The following RBPJ variants were observed in gnomAD, a reference collection of about 807,000 sequenced individuals.
RBPJ encodes recombination signal binding protein for immunoglobulin kappa J region.
RBPJ carries 9 observed loss-of-function variants against 67.8 expected under a neutral mutation model. The observed-to-expected ratio is 0.13, with a 90% CI of 0.08 to 0.23. The LOEUF (loss-of-function observed/expected upper bound fraction) is 0.23. RBPJ is among the 10% of genes least tolerant of loss of function. The pLI, the probability that RBPJ is intolerant of heterozygous loss-of-function variation, is 1.00. For synonymous variants in RBPJ, 198 were observed against 203.3 expected (o/e 0.97, Z 0.22); for missense variants, 305 against 595.6 (o/e 0.51, Z 5.08).
Position 26,431,897 on chromosome 4 carries a change from G to C in RBPJ, c.*890G>C, listed in dbSNP as rs1324363689. The C allele has an allele frequency of 6.6e-6, 1 of 152,052 alleles. No individual in the cohort carries two copies. The highest frequency in any genetic ancestry group is 1.5e-5 in the Non-Finnish European group (1 of 68,020). 9.4% of individuals were successfully genotyped at this position (152,052 alleles called of 1,614,324 possible). ...GGTTCTAACATTCACATGCAATTTG[G>C]TGTGGCCATTTAGCTATTAATGAGT... On this transcript the variant is annotated 3_prime_UTR_variant, in exon 11 of 11. Transcript: ENST00000355476.
intron 1 of RBPJ, among the ~76,000 whole-genome samples, chr4:26,363,142 AT>A (rs1728248709): frequency 6.6e-6 from 1 of 152,034 alleles, no homozygotes; most frequent in East Asian, 1.9e-4. Context: ...TTTATTTTTT[AT>A]TTTTATTTCT....
At chr4:26,243,343 G>A (rs1354524079) in intron 1 of RBPJ, among the ~76,000 whole-genome samples, 2 of 152,224 alleles carry the variant, frequency 1.3e-5, no homozygotes, top group African/African-American at 4.8e-5. Flanking sequence ...AATGAAGTGA[G>A]TCTGTCACTG....
chr4:26,428,975 C>T, intron 8 of RBPJ, 115 bp downstream of exon 8: 1 of 739,626 alleles, frequency 1.4e-6, no homozygotes, highest in Non-Finnish European at 2.2e-6. Flanking sequence ...TGAAGCTATA[C>T]ACAGATATTT....
intron 1 of RBPJ, among the ~76,000 whole-genome samples, chr4:26,182,272 G>A (rs1717031840): frequency 6.6e-6 from 1 of 151,992 alleles, no homozygotes; most frequent in Admixed American, 6.5e-5. Flanking sequence ...AACCCGGGAG[G>A]CGGAGCTTGC....
At chr4:26,260,710 T>C (rs1393275458) in intron 1 of RBPJ, among the ~76,000 whole-genome samples, 1 of 152,144 alleles carries the variant, frequency 6.6e-6, no homozygotes, top group African/African-American at 2.4e-5. Context: ...AAAATGCCAC[T>C]CTCTTACTCC....
chr4:26,352,665 T>C (rs1161849226), intron 1 of RBPJ, among the ~76,000 whole-genome samples: 1 of 152,218 alleles, frequency 6.6e-6, no homozygotes, highest in Non-Finnish European at 1.5e-5. Context: ...ATCGCACCAT[T>C]GCACTTCGGC....
At chr4:26,293,145 T>G (rs1721728097) in intron 1 of RBPJ, among the ~76,000 whole-genome samples, 1 of 149,734 alleles carries the variant, frequency 6.7e-6, no homozygotes, top group Admixed American at 6.7e-5. Context: ...CCAGTTGGGG[T>G]CCTTCTACTG....
chr4:26,144,249 A>G, the RBPJ span, among the ~76,000 whole-genome samples: 2 of 148,400 alleles, frequency 1.3e-5, no homozygotes, highest in African/African-American at 4.9e-5. Context: ...AGAGAGCATA[A>G]GAGGGAGTAA....
chr4:26,114,285 C>A, the RBPJ span, among the ~76,000 whole-genome samples: 9 of 151,900 alleles, frequency 5.9e-5, no homozygotes, highest in African/African-American at 1.7e-4. Flanking sequence ...ATGGCGAAAC[C>A]CCGTTTCTAC....
intron 1 of RBPJ, among the ~76,000 whole-genome samples, chr4:26,282,464 G>A (rs1423041336): frequency 6.6e-6 from 1 of 151,600 alleles, no homozygotes; most frequent in Non-Finnish European, 1.5e-5. Flanking sequence ...TTCGAATAAA[G>A]ATCTAAGAAA....
intron 1 of RBPJ, among the ~76,000 whole-genome samples, chr4:26,358,670 C>G (rs938611828): frequency 6.6e-6 from 1 of 150,698 alleles, no homozygotes; most frequent in African/African-American, 2.4e-5. Context: ...ATAGTTCCAG[C>G]TACTCAGGAG....
chr4:26,294,421 G>A (rs1446968558), intron 1 of RBPJ, among the ~76,000 whole-genome samples: 1 of 152,158 alleles, frequency 6.6e-6, no homozygotes, highest in Non-Finnish European at 1.5e-5. Context: ...TTAGGAGTAA[G>A]ATGATCTGAT....
At chr4:26,410,150 A>C (rs919357487) in intron 3 of RBPJ, 3 of 392,836 alleles carry the variant, frequency 7.6e-6, no homozygotes, top group African/African-American at 6.4e-5. Flanking sequence ...TGGAGTGCAC[A>C]GTGGGAAGAG....
chr4:26,420,466 C>A, intron 4 of RBPJ, 85 bp from the exon 5 acceptor site: 1 of 875,328 alleles, frequency 1.1e-6, no homozygotes, highest in Non-Finnish European at 1.6e-6. Context: ...TTACTTATTA[C>A]TTAAACCATG....
At chr4:26,221,066 A>G (rs1718885204) in intron 1 of RBPJ, among the ~76,000 whole-genome samples, 1 of 152,060 alleles carries the variant, frequency 6.6e-6, no homozygotes, top group South Asian at 2.1e-4. Context: ...AATATCCACA[A>G]TCTTCCCCTT....
intron 1 of RBPJ, among the ~76,000 whole-genome samples, chr4:26,247,372 G>T (rs1458266821): frequency 6.6e-6 from 1 of 151,804 alleles, no homozygotes; most frequent in Non-Finnish European, 1.5e-5. Context: ...TCTTCATATA[G>T]ATTCCAATAT....
At chr4:26,133,883 T>C in the RBPJ span, among the ~76,000 whole-genome samples, 1 of 152,080 alleles carries the variant, frequency 6.6e-6, no homozygotes, top group Non-Finnish European at 1.5e-5. Context: ...ACTCTGCTTC[T>C]TTGCCTTATT....
chr4:26,266,537 A>C (rs967119957), intron 1 of RBPJ, among the ~76,000 whole-genome samples: 1 of 152,312 alleles, frequency 6.6e-6, no homozygotes, highest in East Asian at 1.9e-4. Context: ...GTCTTATAAG[A>C]TAAGGATGTT....
chr4:26,111,339 C>T, the RBPJ span, among the ~76,000 whole-genome samples: 2 of 152,172 alleles, frequency 1.3e-5, no homozygotes, highest in African/African-American at 2.4e-5. Flanking sequence ...GTGAAGGGAA[C>T]ATGCTCCCTT....
Sources: allele counts gnomAD v4.1 joint callset (sites outside exome capture counted in the v4.1 genomes callset), GRCh38; gene constraint gnomAD v4.1.1; transcripts MANE v1.5; gene names NCBI Gene and HGNC (gene_info 2026-07-23, HGNC 2026-07-21).